SLC8A1: variants seen among roughly 807,000 people sequenced by gnomAD.
The protein encoded by SLC8A1 is sodium/calcium exchanger 1.
SLC8A1 carries 18 observed loss-of-function variants against 68.3 expected under a neutral mutation model. That is an observed-to-expected ratio of 0.26 (90% confidence interval 0.18 to 0.39). SLC8A1 has a LOEUF of 0.39. Ranked by LOEUF, SLC8A1 falls within the 10% of genes least tolerant of loss-of-function variation. SLC8A1 has a pLI of 1.00. For synonymous variants in SLC8A1, 475 were observed against 415.5 expected (o/e 1.14, Z -1.74); for missense variants, 985 against 1,156.7 (o/e 0.85, Z 2.15).
At chr2:40,276,443 T>C (rs1366253720) in intron 2 of SLC8A1, among the ~76,000 whole-genome samples, 1 of 152,214 alleles carries the variant, frequency 6.6e-6, no homozygotes, top group Non-Finnish European at 1.5e-5. Context: ...AGATTTGGTA[T>C]ATTTTCCTCA....
At chr2:40,319,525 G>T (rs2074924649) in intron 2 of SLC8A1, among the ~76,000 whole-genome samples, 1 of 152,038 alleles carries the variant, frequency 6.6e-6, no homozygotes, top group Admixed American at 6.6e-5. Flanking sequence ...TTCTTTATCA[G>T]AGACGTTCAA....
intron 1 of SLC8A1, among the ~76,000 whole-genome samples, chr2:40,442,916 A>C (rs530303088): frequency 3.3e-4 from 50 of 152,314 alleles, no homozygotes; most frequent in African/African-American, 1.1e-3. Flanking sequence ...ATGGAATACT[A>C]TGCAGCCATA....
chr2:40,371,436 T>A (rs1267060667), intron 2 of SLC8A1, among the ~76,000 whole-genome samples: 2 of 152,118 alleles, frequency 1.3e-5, no homozygotes, highest in Non-Finnish European at 2.9e-5. Context: ...AGTTTCTCAT[T>A]GTGAACATAG....
intron 2 of SLC8A1, among the ~76,000 whole-genome samples, chr2:40,317,428 G>C (rs568906487): frequency 3.9e-5 from 6 of 152,118 alleles, no homozygotes; most frequent in African/African-American, 1.4e-4. Flanking sequence ...CACTGACAAG[G>C]CAAGCACTGA....
chr2:40,352,732 C>A (rs1356360603), intron 2 of SLC8A1, among the ~76,000 whole-genome samples: 1 of 152,144 alleles, frequency 6.6e-6, no homozygotes. Context: ...ACATTTTAGT[C>A]AGTAAAATGA....
At chr2:40,435,852 T>C (rs554257878) in intron 1 of SLC8A1, among the ~76,000 whole-genome samples, 10 of 152,176 alleles carry the variant, frequency 6.6e-5, no homozygotes, top group East Asian at 1.9e-4. Flanking sequence ...CTCGGCTCAC[T>C]GCAGCCTGTG....
intron 2 of SLC8A1, among the ~76,000 whole-genome samples, chr2:40,219,029 C>T (rs923744602): frequency 1.0e-4 from 2 of 19,126 alleles, no homozygotes; most frequent in African/African-American, 3.8e-4. Context: ...AAGTCAAATC[C>T]TATTTCTTGG....
exon 8 of SLC8A1, chr2:40,099,159 G>A (rs1241429561): frequency 6.6e-6 from 1 of 152,046 alleles, no homozygotes; most frequent in African/African-American, 2.4e-5. Context: ...GGTCAGCAAA[G>A]AGAGTATGTA....
chr2:40,345,223 C>G (rs1438088284), intron 2 of SLC8A1, among the ~76,000 whole-genome samples: 1 of 152,106 alleles, frequency 6.6e-6, no homozygotes, highest in Non-Finnish European at 1.5e-5. Context: ...CAAAGCATAG[C>G]AAGAAATTTC....
chr2:40,324,793 C>G (rs1419132094), intron 2 of SLC8A1, among the ~76,000 whole-genome samples: 2 of 152,142 alleles, frequency 1.3e-5, no homozygotes, highest in African/African-American at 4.8e-5. Context: ...TGCATCTTGA[C>G]AAGTTCTTGG....
chr2:40,356,984 A>G (rs9784033), intron 2 of SLC8A1, among the ~76,000 whole-genome samples: 1,632 of 152,318 alleles, frequency 0.011, 17 homozygotes, highest in African/African-American at 0.037. Context: ...AGAACACTCC[A>G]TGAGTATTCA....
At chr2:40,235,235 CTT>C (rs2060205108) in intron 2 of SLC8A1, among the ~76,000 whole-genome samples, 1 of 151,872 alleles carries the variant, frequency 6.6e-6, no homozygotes, top group Admixed American at 6.6e-5. Flanking sequence ...GTCCTGGACT[CTT>C]TTTGGTTGGT....
chr2:40,309,863 A>C (rs1050079784), intron 2 of SLC8A1, among the ~76,000 whole-genome samples: 1 of 152,156 alleles, frequency 6.6e-6, no homozygotes. Flanking sequence ...TTTAAAGTGT[A>C]TAATTCAGTG....
At chr2:40,511,399 A>AGAT (rs1378608829) in intron 1 of SLC8A1, among the ~76,000 whole-genome samples, 22 of 152,188 alleles carry the variant, frequency 1.4e-4, no homozygotes, top group Admixed American at 6.6e-5. Flanking sequence ...CAATTTTAAC[A>AGAT]GATATGCTTT....
chr2:40,203,890 T>A (rs1231265110), intron 2 of SLC8A1, among the ~76,000 whole-genome samples: 3 of 151,850 alleles, frequency 2.0e-5, no homozygotes, highest in African/African-American at 7.3e-5. Context: ...TTAAAAATTT[T>A]TTTTTTGTAG....
At chr2:40,157,420 T>C (rs1235923038) in intron 6 of SLC8A1, among the ~76,000 whole-genome samples, 1 of 152,078 alleles carries the variant, frequency 6.6e-6, no homozygotes, top group Non-Finnish European at 1.5e-5. Flanking sequence ...CACACCTGTC[T>C]CCAAAGCCAG....
At chr2:40,436,769 T>C (rs1035337517) in intron 1 of SLC8A1, among the ~76,000 whole-genome samples, 9 of 151,984 alleles carry the variant, frequency 5.9e-5, no homozygotes, top group Middle Eastern at 3.4e-3. Context: ...CACGGAAATA[T>C]GGGTAGAAAA....
intron 2 of SLC8A1, chr2:40,195,867 A>T (rs1227276722): frequency 6.6e-6 from 1 of 152,046 alleles, no homozygotes; most frequent in African/African-American, 2.4e-5. Context: ...ACTTTTTTCC[A>T]AAGGAGTGAC....
chr2:40,449,384 A>T lies in SLC8A1; in HGVS notation c.-25+2520T>A, dbSNP rs145236302. ...TCATGTGTTTATTTTGCAAGTAAAT[A>T]AAAGTCTATATTTGCCTGGCAAAAG... On this transcript the variant is annotated intron_variant, in intron 1 of 7. Transcript: ENST00000406785. 4.1e-4 allele frequency among the ~76,000 whole-genome samples: 62 copies of T among 152,308 alleles called. 1 individual carries two copies. The highest frequency in any genetic ancestry group is 1.4e-3 in the African/African-American group (58 of 41,554).
Sources: allele counts gnomAD v4.1 joint callset (sites outside exome capture counted in the v4.1 genomes callset), GRCh38; gene constraint gnomAD v4.1.1; transcripts MANE v1.5; gene names NCBI Gene and HGNC (gene_info 2026-07-23, HGNC 2026-07-21).